The following CEP112 variants were observed in gnomAD, a reference collection of about 807,000 sequenced individuals.
The protein encoded by CEP112 is centrosomal protein 112, also known as centrosomal protein of 112 kDa.
In CEP112, 127 loss-of-function variants were observed where a neutral mutation model predicts 153.0. The observed-to-expected ratio is 0.83, with a 90% CI of 0.72 to 0.96. CEP112 has a LOEUF of 0.96. Ranked by LOEUF, CEP112 falls within the 40% of genes least tolerant of loss-of-function variation. The pLI is 0.00. For missense variants in CEP112, 1,089 were observed against 1,101.2 expected, an observed-to-expected ratio of 0.99 and a Z score of 0.16; for synonymous variants, 358 against 374.4, an observed-to-expected ratio of 0.96 and a Z score of 0.51.
intron 21 of CEP112, chr17:65,750,943 T>G: frequency 2.1e-6 from 1 of 474,828 alleles, no homozygotes; most frequent in Non-Finnish European, 3.7e-6. Flanking sequence ...TAGACAAACA[T>G]AAGACTTCTG....
intron 17 of CEP112, among the ~76,000 whole-genome samples, chr17:65,971,562 G>A (rs1035339491): frequency 6.6e-6 from 1 of 152,190 alleles, no homozygotes; most frequent in Admixed American, 6.5e-5. Flanking sequence ...TTACATGTGT[G>A]TTGTATGTAT....
chr17:66,133,369 A>T (rs2146551962), intron 4 of CEP112, among the ~76,000 whole-genome samples: 1 of 152,344 alleles, frequency 6.6e-6, no homozygotes, highest in East Asian at 1.9e-4. Flanking sequence ...TGAAGCCTTA[A>T]AATATATAAA....
intron 24 of CEP112, among the ~76,000 whole-genome samples, chr17:65,660,242 TTTG>T (rs999791055): frequency 1.8e-4 from 17 of 95,312 alleles, no homozygotes; most frequent in Non-Finnish European, 1.8e-4. Flanking sequence ...CTTCCTCTTT[TTTG>T]TTTTCTTTCT....
intron 6 of CEP112, among the ~76,000 whole-genome samples, chr17:66,129,364 G>A (rs1206152387): frequency 2.6e-5 from 4 of 152,082 alleles, no homozygotes; most frequent in African/African-American, 7.2e-5. Context: ...CATCCATGGG[G>A]TCCCCTTGAG....
chr17:66,025,026 A>G (rs951602145), intron 16 of CEP112, among the ~76,000 whole-genome samples: 3 of 152,174 alleles, frequency 2.0e-5, no homozygotes, highest in Non-Finnish European at 2.9e-5. Flanking sequence ...CAACAAAAAC[A>G]TATACTGGGG....
At chr17:65,905,869 C>T (rs2060056109) in intron 19 of CEP112, among the ~76,000 whole-genome samples, 2 of 151,742 alleles carry the variant, frequency 1.3e-5, no homozygotes, top group East Asian at 1.9e-4. Context: ...GGCATGAACC[C>T]GGGGGGCGGA....
chr17:65,637,536 T>G (rs1345929316), intron 25 of CEP112, among the ~76,000 whole-genome samples: 1 of 152,216 alleles, frequency 6.6e-6, no homozygotes, highest in Non-Finnish European at 1.5e-5. Context: ...TTTCTCTCTT[T>G]GGAACACTTG....
At chr17:65,912,516 CT>C in intron 19 of CEP112, among the ~76,000 whole-genome samples, 1 of 152,296 alleles carries the variant, frequency 6.6e-6, no homozygotes, top group South Asian at 2.1e-4. Flanking sequence ...CATGCACTGG[CT>C]TCTCTGGCCT....
At chr17:65,844,941 A>G (rs2057670713) in intron 21 of CEP112, among the ~76,000 whole-genome samples, 2 of 151,882 alleles carry the variant, frequency 1.3e-5, no homozygotes, top group African/African-American at 2.4e-5. Flanking sequence ...TGAACCTGGG[A>G]GGCAGAGGTT....
chr17:65,744,751 A>G (rs568906859), intron 22 of CEP112, among the ~76,000 whole-genome samples: 18 of 152,214 alleles, frequency 1.2e-4, no homozygotes, highest in Non-Finnish European at 1.9e-4. Flanking sequence ...TCTGATGAGA[A>G]ACTTTTATAT....
At chr17:66,091,092 C>CT (rs900911500) in intron 8 of CEP112, among the ~76,000 whole-genome samples, 7 of 151,936 alleles carry the variant, frequency 4.6e-5, no homozygotes, top group Non-Finnish European at 8.8e-5. Context: ...TAGTAGGGGA[C>CT]TTTAAGACCA....
At chr17:65,863,690 T>TGAATGGCGTGAATCTGGGAGGC (rs2058384028) in intron 20 of CEP112, among the ~76,000 whole-genome samples, 1 of 147,770 alleles carries the variant, frequency 6.8e-6, no homozygotes, top group African/African-American at 2.5e-5. Context: ...ATCTGGGAGG[T>TGAATGGCGTGAATCTGGGAGGC]GGAGCTTGCA....
intron 4 of CEP112, among the ~76,000 whole-genome samples, chr17:66,140,809 TTTTTTA>T (rs2070662515): frequency 1.3e-5 from 2 of 152,088 alleles, no homozygotes; most frequent in South Asian, 4.2e-4. Flanking sequence ...GGCTAATTTT[TTTTTTA>T]TTTTTATTTT....
intron 8 of CEP112, among the ~76,000 whole-genome samples, chr17:66,086,367 A>G (rs1339016346): frequency 7.1e-6 from 1 of 141,458 alleles, no homozygotes; most frequent in Admixed American, 7.1e-5. Flanking sequence ...AAGTAGACAT[A>G]AGATTTTCTT....
Position 65,751,998 on chromosome 17 carries a change from CTATCTACT to C in CEP112, c.2395-1282_2395-1275del, listed in dbSNP as rs1448565834. ...TCTATCTATCTATCTATCTATCTAT[CTATCTACT>C]GTTCCTTTCATCCATCCATCCATCC... On this transcript the variant is annotated intron_variant, in intron 21 of 26. Transcript: ENST00000535342. Among the ~76,000 whole-genome samples, 587 of 126,344 alleles carry C rather than the reference CTATCTACT, an allele frequency of 4.6e-3. 6 individuals carry two copies. Among genetic ancestry groups the C allele is most frequent in the African/African-American group, 0.016 (555 of 33,646 alleles). The allele number at this position is 126,344 out of a possible 152,430, so 82.9% of individuals were successfully genotyped here. A position where few individuals can be genotyped will look rare whatever the true frequency, so the allele number is the denominator to read the frequency against.
chr17:65,660,236 C>CTT (rs1555606761), intron 24 of CEP112, among the ~76,000 whole-genome samples: 4 of 137,706 alleles, frequency 2.9e-5, no homozygotes, highest in East Asian at 2.2e-4. Flanking sequence ...TCCTTCCTTC[C>CTT]TCTTTTTTGT....
At chr17:65,884,706 C>CTTTTTTTTTTTTTT (rs11370374) in intron 20 of CEP112, among the ~76,000 whole-genome samples, 1 of 130,660 alleles carries the variant, frequency 7.7e-6, no homozygotes, top group African/African-American at 2.8e-5. Flanking sequence ...TTTGTAGTTT[C>CTTTTTTTTTTTTTT]TTTTTTTTTT....
At chr17:65,807,024 G>C (rs1377036318) in intron 21 of CEP112, among the ~76,000 whole-genome samples, 1 of 152,172 alleles carries the variant, frequency 6.6e-6, no homozygotes, top group Non-Finnish European at 1.5e-5. Flanking sequence ...ATAGAGATTT[G>C]TTAAATGGTT....
At chr17:66,066,605 A>G (rs1399411345) in intron 10 of CEP112, among the ~76,000 whole-genome samples, 173 bp downstream of exon 10, 1 of 151,704 alleles carries the variant, frequency 6.6e-6, no homozygotes, top group African/African-American at 2.4e-5. Context: ...ACACAAATAA[A>G]CACAGTTTTT....
Sources: gnomAD v4.1 joint callset for allele counts (sites outside exome capture counted in the v4.1 genomes callset) on GRCh38, gnomAD v4.1.1 for gene constraint, MANE v1.5 for transcripts, NCBI Gene and HGNC (gene_info 2026-07-23, HGNC 2026-07-21) for gene names.